The following ABI3BP variants were observed in gnomAD, a reference collection of about 807,000 sequenced individuals.
ABI3BP encodes the protein target of Nesh-SH3.
In ABI3BP, 216 loss-of-function variants were observed where a neutral mutation model predicts 268.6. The observed-to-expected ratio is 0.80, with a 90% CI of 0.72 to 0.90. ABI3BP has a LOEUF of 0.90. Among genes scored for constraint, ABI3BP ranks in the 40% least tolerant of loss-of-function variants. ABI3BP has a pLI of 0.00. For synonymous variants in ABI3BP, 730 were observed against 730.0 expected (o/e 1.00, Z 0.00); for missense variants, 2,090 against 2,182.4 (o/e 0.96, Z 0.84).
rs1432164490 is a variant in ABI3BP, at chr3:100,750,671, C to CATAG, written c.5246-65_5246-62dup. ...GTATTATATTTTTGCCCTCACAGCT[C>CATAG]ATAGATTGAAGGATGTCGTTGACTA... On this transcript the variant is annotated intron_variant, in intron 67 of 67. Coordinates refer to ENST00000471714, the MANE Select transcript of ABI3BP (RefSeq NM_001375547.2). 3.2e-6 allele frequency: 4 copies of CATAG among 1,241,292 alleles called. No homozygotes were observed. The African/African-American group carries it at 6.0e-5, about 19-fold the overall frequency. 76.9% of individuals were successfully genotyped at this position (1,241,292 alleles called of 1,614,324 possible). A position where few individuals can be genotyped will look rare whatever the true frequency, so the allele number is the denominator to read the frequency against.
chr3:100,806,001 G>A (rs1023179773), intron 50 of ABI3BP, among the ~76,000 whole-genome samples: 1 of 151,732 alleles, frequency 6.6e-6, no homozygotes, highest in Non-Finnish European at 1.5e-5. Context: ...AAAAATTCTA[G>A]GTATACAATT....
chr3:100,865,796 T>C (rs1393759911), intron 10 of ABI3BP, among the ~76,000 whole-genome samples: 2 of 152,184 alleles, frequency 1.3e-5, no homozygotes, highest in Non-Finnish European at 2.9e-5. Context: ...GTAGAATCTT[T>C]GAGGGAGAAA....
At chr3:100,819,925 G>A (rs574942057) in intron 40 of ABI3BP, among the ~76,000 whole-genome samples, 4 of 143,170 alleles carry the variant, frequency 2.8e-5, no homozygotes, top group Admixed American at 7.2e-5. Context: ...TCCAGCCGGG[G>A]CAACAGAGTA....
At chr3:100,974,516 T>C (rs2085158066) in intron 1 of ABI3BP, among the ~76,000 whole-genome samples, 1 of 152,174 alleles carries the variant, frequency 6.6e-6, no homozygotes, top group South Asian at 2.1e-4. Context: ...GTTAATATAC[T>C]TCTATTCATA....
intron 10 of ABI3BP, among the ~76,000 whole-genome samples, chr3:100,865,887 A>T (rs1270510679): frequency 6.6e-6 from 1 of 152,150 alleles, no homozygotes; most frequent in Non-Finnish European, 1.5e-5. Flanking sequence ...ACCATCTAGG[A>T]ATTTCATCCA....
At chr3:100,945,691 A>T in intron 1 of ABI3BP, 2 of 436,014 alleles carry the variant, frequency 4.6e-6, no homozygotes, top group Non-Finnish European at 9.1e-6. Context: ...ATAGAATTTT[A>T]TGAATATATT....
At chr3:100,900,132 A>G (rs1283005237) in intron 3 of ABI3BP, among the ~76,000 whole-genome samples, 1 of 152,262 alleles carries the variant, frequency 6.6e-6, no homozygotes, top group African/African-American at 2.4e-5. Flanking sequence ...TTTCAAAGAT[A>G]GTTATCATTT....
intron 2 of ABI3BP, among the ~76,000 whole-genome samples, chr3:100,904,450 T>C (rs1472491504): frequency 6.6e-6 from 1 of 152,148 alleles, no homozygotes; most frequent in African/African-American, 2.4e-5. Context: ...ATTTATGGCA[T>C]TGGAGGAATG....
rs770310657 is a variant in ABI3BP, at chr3:100,822,654, C to A, written c.2822G>T (p.Arg941Leu). 3.3e-6 allele frequency: 5 copies of A among 1,536,282 alleles called. No individual in the cohort carries two copies. Among genetic ancestry groups the A allele is most frequent in the Non-Finnish European group, 3.5e-6 (4 of 1,146,932 alleles). Residue 941 changes from arginine (R) to leucine (L), a missense_variant, in exon 38 of 68, where the codon CGG becomes CTG. By Grantham distance (102) the Arg-to-Leu change is moderately radical. Coordinates refer to ENST00000471714, the MANE Select transcript of ABI3BP (RefSeq NM_001375547.2). ...STTLASKTSQ[R>L]TRRPRLRTKT... ...TGTTCTGAGACGTGGACGACGTGTC[C>A]GTTGTGATGTTTTGGAAGCTGAAGG...
chr3:100,888,070 C>T (rs189656422), intron 4 of ABI3BP, among the ~76,000 whole-genome samples: 2 of 152,074 alleles, frequency 1.3e-5, no homozygotes, highest in Admixed American at 6.6e-5. Context: ...TTTGTATATT[C>T]AGCCTACTTT....
intron 10 of ABI3BP, among the ~76,000 whole-genome samples, chr3:100,865,988 T>A (rs1179000467): frequency 1.3e-5 from 2 of 152,226 alleles, no homozygotes; most frequent in Non-Finnish European, 2.9e-5. Context: ...AAGGACCATA[T>A]TCACCTTGCT....
chr3:100,755,342 A>G (rs2095560484), intron 63 of ABI3BP, among the ~76,000 whole-genome samples: 1 of 152,232 alleles, frequency 6.6e-6, no homozygotes, highest in Non-Finnish European at 1.5e-5. Flanking sequence ...AGACTAAGCT[A>G]TGGGAATAGA....
chr3:100,835,703 C>T, intron 27 of ABI3BP, 43 bp from the exon 28 acceptor site: 1 of 1,419,074 alleles, frequency 7.0e-7, no homozygotes, highest in Non-Finnish European at 9.5e-7. Context: ...TTAAGAAATA[C>T]AGAAAAACAA....
intron 32 of ABI3BP, 124 bp from the exon 33 acceptor site, chr3:100,829,788 CT>C: frequency 1.4e-6 from 1 of 699,586 alleles, no homozygotes; most frequent in Non-Finnish European, 2.4e-6. Flanking sequence ...ATATTTGCCC[CT>C]ATTTCAATAC....
intron 1 of ABI3BP, among the ~76,000 whole-genome samples, chr3:100,932,338 G>A (rs2063921166): frequency 6.6e-6 from 1 of 151,684 alleles, no homozygotes; most frequent in Non-Finnish European, 1.5e-5. Flanking sequence ...CAAAAATGGA[G>A]AAGTGGGACT....
intron 31 of ABI3BP, among the ~76,000 whole-genome samples, chr3:100,831,956 T>G (rs1366630238): frequency 1.3e-5 from 2 of 152,136 alleles, no homozygotes; most frequent in African/African-American, 2.4e-5. Context: ...TAATATGGCT[T>G]TGGGGAATTA....
chr3:100,919,207 T>C (rs1278041735), intron 2 of ABI3BP, among the ~76,000 whole-genome samples: 2 of 152,216 alleles, frequency 1.3e-5, no homozygotes, highest in Non-Finnish European at 2.9e-5. Flanking sequence ...ATTCCCTATA[T>C]AGTTCCTTCA....
Position 100,796,537 on chromosome 3 carries a change from A to G in ABI3BP, c.3758-69T>C. On this transcript the variant is annotated intron_variant, in intron 51 of 67. Coordinates refer to ENST00000471714, the MANE Select transcript of ABI3BP (RefSeq NM_001375547.2). ...CAACTGGAGTGAGCTTAACCCACAG[A>G]TATAAAAATCCCAGAAAGCATGAAT... 1.2e-5 allele frequency: 14 copies of G among 1,204,968 alleles called. No homozygotes were observed. The South Asian group carries it at 2.3e-4, about 19-fold the overall frequency. 74.6% of individuals were successfully genotyped at this position (1,204,968 alleles called of 1,614,324 possible).
chr3:100,813,480 G>C (rs1030588825), intron 45 of ABI3BP, among the ~76,000 whole-genome samples, 181 bp downstream of exon 45: 7 of 152,076 alleles, frequency 4.6e-5, no homozygotes, highest in African/African-American at 1.4e-4. Flanking sequence ...CATTCAAATA[G>C]TAATATTAAT....
Sources: gnomAD v4.1 joint callset for allele counts (sites outside exome capture counted in the v4.1 genomes callset) on GRCh38, gnomAD v4.1.1 for gene constraint, MANE v1.5 for transcripts, NCBI Gene and HGNC (gene_info 2026-07-23, HGNC 2026-07-21) for gene names.